The following DOCK1 variants were observed in gnomAD, a reference collection of about 807,000 sequenced individuals.
The protein encoded by DOCK1 is dedicator of cytokinesis 1.
Under a neutral mutation model 262.7 loss-of-function variants are expected in DOCK1, and 138 were observed. The ratio of observed to expected loss-of-function variants is 0.53; its 90% CI spans 0.46 to 0.61. The LOEUF (loss-of-function observed/expected upper bound fraction) is 0.61, where lower values mean the gene tolerates loss of function less well. Ranked by LOEUF, DOCK1 falls within the 20% of genes least tolerant of loss-of-function variation. The pLI, the probability that DOCK1 is intolerant of heterozygous loss-of-function variation, is 0.00. For missense variants in DOCK1, 1,908 were observed against 2,370.7 expected, an observed-to-expected ratio of 0.80 and a Z score of 4.05; for synonymous variants, 866 against 867.4, an observed-to-expected ratio of 1.00 and a Z score of 0.03.
At chr10:127,447,197 C>T (rs531403940) in intron 50 of DOCK1, among the ~76,000 whole-genome samples, 197 bp from the exon 51 acceptor site, 1 of 152,352 alleles carries the variant, frequency 6.6e-6, no homozygotes, top group South Asian at 2.1e-4. Flanking sequence ...CTTTCTAGAA[C>T]ATTGCCGTTA....
chr10:127,083,715 A>G (rs1441376260), intron 23 of DOCK1, among the ~76,000 whole-genome samples: 1 of 152,226 alleles, frequency 6.6e-6, no homozygotes, highest in Non-Finnish European at 1.5e-5. Flanking sequence ...AATTCCTGCG[A>G]TACAGGGAAG....
chr10:127,347,019 G>T (rs938110477), intron 31 of DOCK1, among the ~76,000 whole-genome samples: 1 of 152,210 alleles, frequency 6.6e-6, no homozygotes, highest in African/African-American at 2.4e-5. Context: ...CGGCACACAC[G>T]TGTGGAGGGT....
intron 18 of DOCK1, among the ~76,000 whole-genome samples, chr10:127,036,031 T>TAAAGAAAG (rs1017976280): frequency 1.3e-5 from 2 of 148,808 alleles, no homozygotes; most frequent in African/African-American, 5.1e-5. Context: ...AATAAATAAA[T>TAAAGAAAG]AAATAAATAA....
intron 44 of DOCK1, among the ~76,000 whole-genome samples, chr10:127,416,077 C>T (rs903148814): frequency 1.3e-5 from 2 of 152,300 alleles, no homozygotes; most frequent in Admixed American, 6.5e-5. Context: ...TGTCCAGCGC[C>T]GAGCCTTCTC....
chr10:127,444,205 C>T lies in DOCK1; in HGVS notation c.5339C>T (p.Pro1780Leu). Residue 1780 changes from proline to leucine, a missense_variant, in exon 50 of 52, where the codon CCC becomes CTC. By Grantham distance (98) the Pro-to-Leu change is moderately conservative. Coordinates refer to ENST00000623213, the MANE Select transcript of DOCK1 (RefSeq NM_001290223.2). Reference protein sequence around the residue: ...IGSERRFSVSPSSPSSQQTPP... With the variant: ...IGSERRFSVSLSSPSSQQTPP... ...AGCGAAAGGCGCTTCTCGGTGTCCC[C>T]CTCGTCACCGTCCTCCCAGCAAACA... 1 of 1,610,406 alleles carries T rather than the reference C, an allele frequency of 6.2e-7. No homozygotes were observed. The highest frequency in any genetic ancestry group is 8.5e-7 in the Non-Finnish European group (1 of 1,178,872).
intron 1 of DOCK1, among the ~76,000 whole-genome samples, chr10:126,947,770 TTGGTGG>T (rs2035639376): frequency 7.8e-6 from 1 of 127,548 alleles, no homozygotes; most frequent in African/African-American, 3.0e-5. Flanking sequence ...AGTATTACTG[TTGGTGG>T]TGATGGTGGT....
chr10:127,380,099 TGAAA>T lies in DOCK1; in HGVS notation c.3696_3699del (p.Arg1233LysfsTer5). On this transcript the variant is annotated frameshift_variant, in exon 36 of 52. Transcript: ENST00000623213. LOFTEE classifies it high-confidence loss of function. Reference sequence around the variant, plus strand: ...CTTTTCAGAATTTCTACAAAGAAATTGAAAGAGAAGAAATGTATATAAGGTATGT... The same window carrying T: ...CTTTTCAGAATTTCTACAAAGAAATTGAGAAGAAATGTATATAAGGTATGT... 6.6e-7 allele frequency: 1 copy of T among 1,521,684 alleles called. No individual in the cohort carries two copies. The highest frequency in any genetic ancestry group is 8.9e-7 in the Non-Finnish European group (1 of 1,123,118). 94.3% of individuals were successfully genotyped at this position (1,521,684 alleles called of 1,614,324 possible).
At chr10:126,923,076 T>A (rs899220862) in intron 1 of DOCK1, among the ~76,000 whole-genome samples, 2 of 152,000 alleles carry the variant, frequency 1.3e-5, no homozygotes, top group Non-Finnish European at 2.9e-5. Context: ...GCCATTGCAC[T>A]CCAGTCTGGG....
At chr10:127,070,231 T>G (rs2046137702) in intron 23 of DOCK1, among the ~76,000 whole-genome samples, 1 of 150,242 alleles carries the variant, frequency 6.7e-6, no homozygotes, top group Admixed American at 6.6e-5. Flanking sequence ...GTCCCAAGGG[T>G]TGGAACTTGA....
chr10:127,021,224 A>G (rs1272025481), intron 13 of DOCK1, among the ~76,000 whole-genome samples: 1 of 152,152 alleles, frequency 6.6e-6, no homozygotes, highest in Non-Finnish European at 1.5e-5. Context: ...GGAGTGCAGT[A>G]GCACGATCTC....
intron 1 of DOCK1, among the ~76,000 whole-genome samples, chr10:126,916,917 T>G (rs369089968): frequency 9.3e-6 from 1 of 107,960 alleles, no homozygotes; most frequent in Non-Finnish European, 2.0e-5. Context: ...GGGAGCTGTG[T>G]GAGGCCAGCG....
chr10:127,160,500 A>G (rs187962633), intron 27 of DOCK1, among the ~76,000 whole-genome samples: 15 of 152,322 alleles, frequency 9.8e-5, no homozygotes, highest in Admixed American at 2.0e-4. Flanking sequence ...CAAGTGACCC[A>G]GTTGTTGATT....
chr10:127,183,403 A>G (rs529430630), intron 27 of DOCK1, among the ~76,000 whole-genome samples: 66 of 152,258 alleles, frequency 4.3e-4, no homozygotes, highest in South Asian at 1.2e-3. Flanking sequence ...AAATGCCACA[A>G]TGTTTCTTTG....
intron 6 of DOCK1, among the ~76,000 whole-genome samples, chr10:126,992,568 C>T (rs1193903818): frequency 1.3e-5 from 2 of 152,042 alleles, no homozygotes; most frequent in African/African-American, 2.4e-5. Context: ...AGATGTTTTG[C>T]GTCTTTTTCA....
At chr10:127,057,435 A>G (rs932805915) in intron 22 of DOCK1, among the ~76,000 whole-genome samples, 10 of 152,266 alleles carry the variant, frequency 6.6e-5, no homozygotes, top group African/African-American at 1.9e-4. Context: ...AACTTTGAAG[A>G]TGAAGATATT....
intron 1 of DOCK1, among the ~76,000 whole-genome samples, chr10:126,954,879 C>T (rs2036605253): frequency 6.6e-6 from 1 of 152,142 alleles, no homozygotes; most frequent in African/African-American, 2.4e-5. Flanking sequence ...AATAATGCTG[C>T]TGTGAACCTT....
At chr10:126,976,280 C>A (rs1049644886) in intron 2 of DOCK1, among the ~76,000 whole-genome samples, 1 of 152,316 alleles carries the variant, frequency 6.6e-6, no homozygotes, top group African/African-American at 2.4e-5. Flanking sequence ...GAAGTCTAGG[C>A]ATTTTGTATC....
intron 6 of DOCK1, among the ~76,000 whole-genome samples, chr10:126,993,930 T>C (rs577841464): frequency 1.3e-5 from 2 of 152,372 alleles, no homozygotes; most frequent in African/African-American, 4.8e-5. Flanking sequence ...GGTAGTTTTT[T>C]AGATGGAACA....
intron 29 of DOCK1, among the ~76,000 whole-genome samples, chr10:127,302,989 G>A (rs1320787052): frequency 6.6e-6 from 1 of 152,076 alleles, no homozygotes; most frequent in Admixed American, 6.6e-5. Flanking sequence ...GTATTATTAA[G>A]TCTTGCGTTT....
Sources: gnomAD v4.1 joint callset for allele counts (sites outside exome capture counted in the v4.1 genomes callset) on GRCh38, gnomAD v4.1.1 for gene constraint, MANE v1.5 for transcripts, NCBI Gene and HGNC (gene_info 2026-07-23, HGNC 2026-07-21) for gene names.